Variants in NRG1 observed in about 807,000 individuals in gnomAD.
The protein encoded by NRG1 is neuregulin 1.
Under a neutral mutation model 63.8 loss-of-function variants are expected in NRG1, and 18 were observed. The observed-to-expected ratio is 0.28, with a 90% confidence interval of 0.19 to 0.42. NRG1 has a LOEUF of 0.42. Ranked by LOEUF, NRG1 falls within the 10% of genes least tolerant of loss-of-function variation. The pLI, the probability that NRG1 is intolerant of heterozygous loss-of-function variation, is 1.00. For synonymous variants in NRG1, 302 were observed against 301.3 expected (o/e 1.00, Z -0.02); for missense variants, 762 against 814.7 (o/e 0.94, Z 0.79).
intron 1 of NRG1, among the ~76,000 whole-genome samples, chr8:32,537,294 TG>T (rs1344974676): frequency 3.3e-5 from 5 of 151,700 alleles, no homozygotes; most frequent in Middle Eastern, 6.8e-3. Flanking sequence ...TCTTACCTTC[TG>T]CTGCCCCCCA....
In NRG1 at chr8:32,153,090, T is replaced by A. The variant is rs2068227; in HGVS notation, c.38-442738T>A. On this transcript the variant is annotated intron_variant, in intron 1 of 10. Coordinates refer to the NRG1 transcript ENST00000519301. ...GGGGCTTCCCCCAATTCTAAAAAAA[T>A]TAGCAATTCAGCAGAATCTACAGTG... Among the ~76,000 whole-genome samples, 99 of 38,312 alleles carry A rather than the reference T, an allele frequency of 2.6e-3. No homozygotes were observed. In the South Asian group the frequency reaches 0.029, roughly 11 times the overall value. 25.1% of individuals were successfully genotyped at this position (38,312 alleles called of 152,430 possible).
intron 1 of NRG1, among the ~76,000 whole-genome samples, chr8:32,388,973 A>C (rs1439618463): frequency 6.6e-6 from 1 of 152,220 alleles, no homozygotes; most frequent in Admixed American, 6.5e-5. Context: ...TGCTTTAAAA[A>C]TTCATATTAG....
At chr8:32,396,527 C>T (rs1291674698) in intron 1 of NRG1, among the ~76,000 whole-genome samples, 1 of 152,170 alleles carries the variant, frequency 6.6e-6, no homozygotes, top group African/African-American at 2.4e-5. Flanking sequence ...CAGCTCACTG[C>T]AACCTCCACC....
chr8:32,694,748 A>G (rs145761015), intron 5 of NRG1, among the ~76,000 whole-genome samples: 42 of 152,302 alleles, frequency 2.8e-4, no homozygotes, highest in African/African-American at 1.0e-3. Context: ...ATATTTTCCC[A>G]GACAGCTTCT....
At chr8:31,850,992 C>A (rs1265252898) in intron 1 of NRG1, among the ~76,000 whole-genome samples, 1 of 152,178 alleles carries the variant, frequency 6.6e-6, no homozygotes, top group Non-Finnish European at 1.5e-5. Flanking sequence ...GGTTCCAGGG[C>A]ACTATACTAA....
At chr8:32,315,633 T>C (rs773433112) in intron 1 of NRG1, among the ~76,000 whole-genome samples, 1 of 151,954 alleles carries the variant, frequency 6.6e-6, no homozygotes, top group South Asian at 2.1e-4. Flanking sequence ...TTTGAATAGA[T>C]CCAATGGTCT....
At chr8:32,165,818 G>C (rs1839337592) in intron 1 of NRG1, among the ~76,000 whole-genome samples, 1 of 152,038 alleles carries the variant, frequency 6.6e-6, no homozygotes, top group Non-Finnish European at 1.5e-5. Flanking sequence ...ATAACTGAAT[G>C]GGTGCCTACA....
intron 1 of NRG1, among the ~76,000 whole-genome samples, chr8:31,917,499 A>G (rs1026310587): frequency 3.3e-5 from 5 of 151,136 alleles, no homozygotes; most frequent in East Asian, 2.0e-4. Context: ...CAGGTTTGTC[A>G]AAGATCAGAT....
intron 1 of NRG1, among the ~76,000 whole-genome samples, chr8:32,363,926 T>C (rs186774429): frequency 6.6e-6 from 1 of 152,164 alleles, no homozygotes; most frequent in Admixed American, 6.5e-5. Context: ...TTGAAAATTA[T>C]ATAACTATAT....
chr8:32,417,612 C>T (rs1816101195), intron 1 of NRG1, among the ~76,000 whole-genome samples: 1 of 152,016 alleles, frequency 6.6e-6, no homozygotes, highest in African/African-American at 2.4e-5. Flanking sequence ...GGATACACTT[C>T]CCACACACAT....
intron 1 of NRG1, among the ~76,000 whole-genome samples, chr8:31,810,278 T>A (rs1822759143): frequency 1.3e-5 from 2 of 152,132 alleles, no homozygotes; most frequent in Admixed American, 1.3e-4. Flanking sequence ...CTTTTCACCC[T>A]ATGTTTATTA....
At chr8:32,350,144 T>C (rs1036849663) in intron 1 of NRG1, among the ~76,000 whole-genome samples, 4 of 152,158 alleles carry the variant, frequency 2.6e-5, no homozygotes, top group African/African-American at 9.7e-5. Flanking sequence ...AGCACCCTCC[T>C]ATCTTCTTTC....
intron 1 of NRG1, among the ~76,000 whole-genome samples, chr8:31,770,446 T>A (rs1818496075): frequency 6.6e-6 from 1 of 152,108 alleles, no homozygotes; most frequent in Non-Finnish European, 1.5e-5. Flanking sequence ...AAAACTTGTT[T>A]TGTGGCTGCA....
intron 1 of NRG1, among the ~76,000 whole-genome samples, chr8:31,954,728 T>C (rs1200309146): frequency 2.0e-5 from 3 of 152,212 alleles, no homozygotes; most frequent in East Asian, 1.9e-4. Context: ...ATGAGTACTC[T>C]TGTAACATCT....
intron 1 of NRG1, among the ~76,000 whole-genome samples, chr8:31,832,249 G>GTTTTTTTTTTTTTT (rs5890599): frequency 1.5e-5 from 2 of 136,142 alleles, no homozygotes; most frequent in Non-Finnish European, 3.2e-5. Flanking sequence ...AAATGCTCTA[G>GTTTTTTTTTTTTTT]TTTTTTTTTT....
Position 32,550,046 on chromosome 8 carries a change from T to A in NRG1, c.100+1220T>A, listed in dbSNP as rs144846210. ...AAGAAAACAAACCACATTTGCTTGG[T>A]CTTCTTACTGGTATCACTGATAGCA... On this transcript the variant is annotated intron_variant, in intron 1 of 11. Coordinates refer to ENST00000356819, the Ensembl canonical transcript of NRG1. 2.0e-5 allele frequency among the ~76,000 whole-genome samples: 3 copies of A among 152,328 alleles called. No homozygotes were observed. The East Asian group carries it at 5.8e-4, about 29-fold the overall frequency.
At chr8:32,500,258 G>A (rs1827705153) in intron 1 of NRG1, among the ~76,000 whole-genome samples, 1 of 152,172 alleles carries the variant, frequency 6.6e-6, no homozygotes, top group Admixed American at 6.5e-5. Flanking sequence ...CTTGAGAGTA[G>A]TAAGCCAAGC....
intron 1 of NRG1, among the ~76,000 whole-genome samples, chr8:32,443,753 A>G (rs1379800130): frequency 6.6e-6 from 1 of 152,082 alleles, no homozygotes; most frequent in Non-Finnish European, 1.5e-5. Context: ...ATTTATGATT[A>G]TTTTTTGTTT....
intron 1 of NRG1, among the ~76,000 whole-genome samples, chr8:32,168,444 G>C (rs1359677275): frequency 1.3e-5 from 2 of 152,118 alleles, no homozygotes; most frequent in African/African-American, 4.8e-5. Flanking sequence ...GTATTATCAG[G>C]GGATTTACTT....
Sources: gnomAD v4.1 joint callset for allele counts (sites outside exome capture counted in the v4.1 genomes callset) on GRCh38, gnomAD v4.1.1 for gene constraint, MANE v1.5 for transcripts, NCBI Gene and HGNC (gene_info 2026-07-23, HGNC 2026-07-21) for gene names.